The following TNS4 variants were observed in gnomAD, a reference collection of about 807,000 sequenced individuals.
TNS4 encodes tensin 4.
Under a neutral mutation model 70.4 loss-of-function variants are expected in TNS4, and 46 were observed. The observed-to-expected ratio is 0.65, with a 90% CI of 0.52 to 0.84. TNS4 has a LOEUF of 0.84. TNS4 is among the 40% of genes least tolerant of loss of function. TNS4 has a pLI of 0.00. For synonymous variants in TNS4, 390 were observed against 366.6 expected (o/e 1.06, Z -0.73); for missense variants, 863 against 907.0 (o/e 0.95, Z 0.62).
At chr17:40,500,930 G>A (rs1309622081) in intron 1 of TNS4, among the ~76,000 whole-genome samples, 1 of 152,122 alleles carries the variant, frequency 6.6e-6, no homozygotes, top group Non-Finnish European at 1.5e-5. Flanking sequence ...AGCGCTGGGA[G>A]GCGAGAGGCC....
At chr17:40,484,673 T>C (rs895480313) in intron 5 of TNS4, 64 bp from the exon 6 acceptor site, 8 of 1,597,894 alleles carry the variant, frequency 5.0e-6, no homozygotes, top group Non-Finnish European at 6.8e-6. Flanking sequence ...CCCAGCCCCG[T>C]AGGGTCTTCA....
chr17:40,493,858 C>T (rs2036106659), intron 2 of TNS4, among the ~76,000 whole-genome samples: 2 of 152,270 alleles, frequency 1.3e-5, no homozygotes, highest in Non-Finnish European at 2.9e-5. Context: ...ACTGGTTTTG[C>T]CCCAGCTGGC....
At chr17:40,490,665 C>T (rs1597697190) in intron 2 of TNS4, among the ~76,000 whole-genome samples, 1 of 152,208 alleles carries the variant, frequency 6.6e-6, no homozygotes, top group African/African-American at 2.4e-5. Flanking sequence ...GGAGTTACAT[C>T]AGATGAGCAA....
rs767974424 is a variant in TNS4, at chr17:40,482,110, C to T, written c.1672+19G>A. On this transcript the variant is annotated intron_variant, in intron 8 of 12. Transcript: ENST00000254051. ...CAGGTCCCCCACCTTGGCATTGCCT[C>T]TTTGGGGCCCAGACCCACCTCTCTG... 9.3e-6 allele frequency: 15 copies of T among 1,613,292 alleles called. No individual in the cohort carries two copies. The highest frequency in any genetic ancestry group is 6.7e-5 in the African/African-American group (5 of 74,912).
intron 2 of TNS4, among the ~76,000 whole-genome samples, chr17:40,494,725 A>G (rs1034688925): frequency 5.0e-5 from 3 of 60,382 alleles, no homozygotes; most frequent in Non-Finnish European, 1.2e-4. Context: ...GTGAGACTCC[A>G]TTGCAAAAAA....
At chr17:40,481,003 A>C (rs1597688929) in intron 8 of TNS4, 1 of 502,786 alleles carries the variant, frequency 2.0e-6, no homozygotes. Flanking sequence ...TCGCCCCCCC[A>C]CCTCTTAGAT....
rs1050678704 is a variant in TNS4, at chr17:40,496,130, T to C, written c.296A>G (p.Asp99Gly). 5.0e-6 allele frequency: 8 copies of C among 1,609,810 alleles called. No homozygotes were observed. The highest frequency in any genetic ancestry group is 6.8e-6 in the Non-Finnish European group (8 of 1,178,400). The change falls in exon 2 of 13, where the codon GAC becomes GGC. Residue 99 changes from aspartate to glycine, a missense_variant. By Grantham distance (94) the Asp-to-Gly change is moderately conservative. Transcript: ENST00000254051. Reference sequence around the variant, plus strand: ...CTGATTGAGGCTCTCCAGTGAGAAGTCAATGTAGGAGTCAAGGTCCTCTGG... The same window carrying C: ...CTGATTGAGGCTCTCCAGTGAGAAGCCAATGTAGGAGTCAAGGTCCTCTGG... ...GTPEDLDSYIDFSLESLNQMI... is the reference protein window; with the variant it reads ...GTPEDLDSYIGFSLESLNQMI...
chr17:40,477,850 A>G (rs1042589089), intron 12 of TNS4, 121 bp from the exon 13 acceptor site: 4 of 910,222 alleles, frequency 4.4e-6, no homozygotes, highest in South Asian at 1.5e-5. Context: ...CCCTTAGCCA[A>G]TTGACTCCAG....
At chr17:40,498,134 G>A (rs966844689) in intron 1 of TNS4, among the ~76,000 whole-genome samples, 14 of 151,900 alleles carry the variant, frequency 9.2e-5, no homozygotes, top group Admixed American at 2.0e-4. Flanking sequence ...CTTTCTTCTC[G>A]TTGCCAAAAC....
Position 40,477,399 on chromosome 17 carries a change from C to A in TNS4, c.*189G>T. ...TTCTATGATTGAGGAAACTGAGGCCCGGGGGGTCTGGATGATGGTGACTGC... is the reference window on the plus strand; with the variant it reads ...TTCTATGATTGAGGAAACTGAGGCCAGGGGGGTCTGGATGATGGTGACTGC... On this transcript the variant is annotated 3_prime_UTR_variant, in exon 13 of 13. Coordinates refer to ENST00000254051, the MANE Select transcript of TNS4 (RefSeq NM_032865.6). 1.6e-6 allele frequency: 1 copy of A among 624,908 alleles called. No homozygotes were observed. 38.7% of individuals were successfully genotyped at this position (624,908 alleles called of 1,614,324 possible).
In TNS4 at chr17:40,479,820, G is replaced by A. The variant is rs1393267639; in HGVS notation, c.1764C>T (p.Ser588=). 1 of 1,613,036 alleles carries A rather than the reference G, an allele frequency of 6.2e-7. No homozygotes were observed. The highest frequency in any genetic ancestry group is 1.1e-5 in the South Asian group (1 of 90,948). The stretch of plus-strand genomic sequence containing the variant: ...CAGTCAGGGTCTCCACGCTCACTGA[G>A]CTCAGGTACAGGGTGTGGCAGCCTG... ...KSAGCHTLYL[S]SVSVETLTGA... is the part of the protein sequence containing the mutation. The change falls in exon 10 of 13, where the codon AGC becomes AGT. Residue 588 remains serine (S), a synonymous_variant. Coordinates refer to ENST00000254051, the MANE Select transcript of TNS4 (RefSeq NM_032865.6).
intron 2 of TNS4, among the ~76,000 whole-genome samples, chr17:40,490,805 C>T (rs1334593191): frequency 6.6e-6 from 1 of 152,230 alleles, no homozygotes; most frequent in Admixed American, 6.5e-5. Flanking sequence ...CTTTCCTAAC[C>T]TCTCTGAGCC....
At position 40,495,979 on chromosome 17, in the gene TNS4, A is replaced by T. The variant is rs367653190; in HGVS notation, c.439+8T>A. On this transcript the variant is annotated splice_region_variant and intron_variant, in intron 2 of 12. Coordinates refer to ENST00000254051, the MANE Select transcript of TNS4 (RefSeq NM_032865.6). ...CCCCCCTCCTGGTACTGTGCCCCAAATCCTTACCCAAGGCTTCAGATTCCT... is the reference window on the plus strand; with the variant it reads ...CCCCCCTCCTGGTACTGTGCCCCAATTCCTTACCCAAGGCTTCAGATTCCT... 6.2e-7 allele frequency: 1 copy of T among 1,601,480 alleles called. No homozygotes were observed. Among genetic ancestry groups the T allele is most frequent in the African/African-American group, 1.3e-5 (1 of 74,246 alleles).
intron 7 of TNS4, 52 bp from the exon 8 acceptor site, chr17:40,482,258 T>G (rs2035931423): frequency 8.1e-6 from 13 of 1,613,696 alleles, no homozygotes; most frequent in Admixed American, 1.7e-5. Flanking sequence ...AACCCACCCC[T>G]CAGCTCACAA....
rs117782304 is a variant in TNS4 at position 40,483,937 on chromosome 17, T to C, written c.1501+547A>G. On this transcript the variant is annotated intron_variant, in intron 6 of 12. Transcript: ENST00000254051. ...CATCTGTTTTCATCTGTCTCCCTAGTGAGGTGGTGTCTGTGTCTGATTCCA... is the reference window on the plus strand; with the variant it reads ...CATCTGTTTTCATCTGTCTCCCTAGCGAGGTGGTGTCTGTGTCTGATTCCA... 8.1e-3 allele frequency among the ~76,000 whole-genome samples: 1,227 copies of C among 152,306 alleles called. 9 individuals are homozygous for C. Among genetic ancestry groups the C allele is most frequent in the Non-Finnish European group, 0.012 (845 of 68,004 alleles).
chr17:40,480,662 A>G (rs1391588225), intron 9 of TNS4, 38 bp downstream of exon 9: 1 of 1,481,586 alleles, frequency 6.7e-7, no homozygotes, highest in East Asian at 2.6e-5. Context: ...CTCTTGGGGC[A>G]CAGCCAAGCT....
Position 40,477,349 on chromosome 17 carries a change from C to T in TNS4, c.*239G>A. 2.0e-6 allele frequency: 1 copy of T among 501,094 alleles called. No individual in the cohort carries two copies. The highest frequency in any genetic ancestry group is 3.5e-6 in the Non-Finnish European group (1 of 282,020). 31.0% of individuals were successfully genotyped at this position (501,094 alleles called of 1,614,324 possible). A position where few individuals can be genotyped will look rare whatever the true frequency, so the allele number is the denominator to read the frequency against. ...TCAAATGCCCACCAGCATCTAAGAA[C>T]AGCTGATCTTGTCTATTGGTCTTCT... is the stretch of plus-strand genomic sequence containing the variant. On this transcript the variant is annotated 3_prime_UTR_variant, in exon 13 of 13. Coordinates refer to ENST00000254051, the MANE Select transcript of TNS4 (RefSeq NM_032865.6).
intron 2 of TNS4, among the ~76,000 whole-genome samples, chr17:40,492,373 G>T (rs1173878758): frequency 8.2e-6 from 1 of 121,982 alleles, no homozygotes; most frequent in Non-Finnish European, 1.6e-5. Flanking sequence ...ATTACATGGA[G>T]TCTTTTTTTT....
intron 1 of TNS4, among the ~76,000 whole-genome samples, chr17:40,500,137 A>G (rs2143839390): frequency 6.6e-6 from 1 of 152,306 alleles, no homozygotes; most frequent in Non-Finnish European, 1.5e-5. Flanking sequence ...TTGGGGTTTA[A>G]ACCCAGGTGG....
Sources: allele counts gnomAD v4.1 joint callset (sites outside exome capture counted in the v4.1 genomes callset), GRCh38; gene constraint gnomAD v4.1.1; transcripts MANE v1.5; gene names NCBI Gene and HGNC (gene_info 2026-07-23, HGNC 2026-07-21).